STOX2: variants seen among roughly 807,000 people sequenced by gnomAD.
STOX2 encodes storkhead box 2.
A neutral mutation model predicts 60.9 loss-of-function variants in STOX2; 28 were observed. That is an observed-to-expected ratio of 0.46 (90% CI 0.34 to 0.63). STOX2 has a LOEUF of 0.63. Among genes scored for constraint, STOX2 ranks in the 30% least tolerant of loss-of-function variants. The probability of loss-of-function intolerance (pLI) is 0.01; values close to 1 mark genes in which losing one functional copy is unlikely to be tolerated. For synonymous variants in STOX2, 472 were observed against 463.9 expected (o/e 1.02, Z -0.22); for missense variants, 1,024 against 1,187.7 (o/e 0.86, Z 2.03).
At chr4:183,819,574 G>A (rs1739256654) in intron 1 of STOX2, among the ~76,000 whole-genome samples, 1 of 134,462 alleles carries the variant, frequency 7.4e-6, no homozygotes, top group Non-Finnish European at 1.6e-5. Flanking sequence ...GAGGGAGAGG[G>A]GGAGGGGGAG....
Position 183,879,276 on chromosome 4 carries a change from C to T in STOX2, c.364+81221C>T, listed in dbSNP as rs554034748. Among the ~76,000 whole-genome samples, 16 of 152,242 alleles carry T rather than the reference C, an allele frequency of 1.1e-4. 1 individual carries two copies. The East Asian group carries it at 2.9e-3, about 28-fold the overall frequency. ...TCTCATCCTTCTTCACCTCCATGAG[C>T]CCTACACACATCCCTTGTACGCCTT... On this transcript the variant is annotated intron_variant, in intron 1 of 2. Coordinates refer to the STOX2 transcript ENST00000513034.
At chr4:183,985,551 C>G (rs963336475) in intron 1 of STOX2, among the ~76,000 whole-genome samples, 1 of 152,144 alleles carries the variant, frequency 6.6e-6, no homozygotes, top group African/African-American at 2.4e-5. Context: ...ATGTGAGTTT[C>G]TAAGTACAGA....
intron 1 of STOX2, among the ~76,000 whole-genome samples, chr4:183,804,527 A>C (rs1314473671): frequency 6.6e-6 from 1 of 152,188 alleles, no homozygotes; most frequent in African/African-American, 2.4e-5. Context: ...GCCGTGTGGG[A>C]TGGTATTCTG....
At chr4:183,979,684 C>T (rs1732578570) in intron 1 of STOX2, among the ~76,000 whole-genome samples, 1 of 152,042 alleles carries the variant, frequency 6.6e-6, no homozygotes, top group Admixed American at 6.5e-5. Flanking sequence ...ATTAGTTCCT[C>T]AGAAAGTTCC....
At chr4:183,815,796 C>T (rs1402160911) in intron 1 of STOX2, among the ~76,000 whole-genome samples, 3 of 152,152 alleles carry the variant, frequency 2.0e-5, no homozygotes, top group South Asian at 2.1e-4. Flanking sequence ...GCAACAAATG[C>T]GATACCTTAA....
At chr4:183,984,723 G>T (rs780558823) in intron 1 of STOX2, among the ~76,000 whole-genome samples, 3 of 152,186 alleles carry the variant, frequency 2.0e-5, no homozygotes, top group Non-Finnish European at 2.9e-5. Flanking sequence ...TGCCAAGGAC[G>T]CAGGCGAGTG....
intron 1 of STOX2, among the ~76,000 whole-genome samples, chr4:183,874,130 C>T (rs61242067): frequency 0.12 from 18,929 of 152,030 alleles, 1,376 homozygotes; most frequent in African/African-American, 0.19. Context: ...GTGGTTGTAC[C>T]AATATCTTAG....
intron 1 of STOX2, among the ~76,000 whole-genome samples, chr4:183,949,405 C>A (rs1742999755): frequency 6.6e-6 from 1 of 152,048 alleles, no homozygotes. Flanking sequence ...ATTTGCTGTA[C>A]TTTCTTAATT....
chr4:183,957,827 A>G (rs1036744549), intron 1 of STOX2, among the ~76,000 whole-genome samples: 1 of 152,188 alleles, frequency 6.6e-6, no homozygotes, highest in Non-Finnish European at 1.5e-5. Flanking sequence ...TTTAGAACCC[A>G]ATATCGTGAA....
intron 1 of STOX2, among the ~76,000 whole-genome samples, chr4:183,840,247 C>G (rs904200095): frequency 7.2e-5 from 11 of 152,172 alleles, no homozygotes; most frequent in Admixed American, 7.2e-4. Context: ...GTCTGAAAAG[C>G]TGAATTTTTG....
chr4:183,921,149 A>T (rs1242131658), intron 1 of STOX2, among the ~76,000 whole-genome samples: 11 of 152,230 alleles, frequency 7.2e-5, no homozygotes, highest in Non-Finnish European at 1.6e-4. Flanking sequence ...AGGATCTATG[A>T]GGATAGCAGT....
intron 1 of STOX2, among the ~76,000 whole-genome samples, chr4:183,868,831 C>T (rs1277461703): frequency 2.0e-5 from 3 of 152,132 alleles, no homozygotes; most frequent in Middle Eastern, 3.2e-3. Flanking sequence ...TAAAAGTAAA[C>T]CCTTCTGTTA....
intron 1 of STOX2, among the ~76,000 whole-genome samples, chr4:183,814,453 A>C (rs779020817): frequency 6.6e-6 from 1 of 152,212 alleles, no homozygotes; most frequent in African/African-American, 2.4e-5. Flanking sequence ...TTTGCGGACA[A>C]AGACACTGAG....
intron 1 of STOX2, among the ~76,000 whole-genome samples, chr4:183,980,431 G>A (rs1248005631): frequency 6.6e-6 from 1 of 152,196 alleles, no homozygotes; most frequent in Non-Finnish European, 1.5e-5. Flanking sequence ...CTTGTCAGTA[G>A]GGATAGAGGT....
chr4:183,970,057 G>A (rs947785330), intron 1 of STOX2, among the ~76,000 whole-genome samples: 10 of 151,874 alleles, frequency 6.6e-5, no homozygotes, highest in Middle Eastern at 3.4e-3. Context: ...AGACTGTGCC[G>A]CAGTGCTCTT....
intron 1 of STOX2, among the ~76,000 whole-genome samples, chr4:183,909,843 C>T (rs1161644223): frequency 1.3e-5 from 2 of 152,206 alleles, no homozygotes; most frequent in African/African-American, 4.8e-5. Context: ...TAGCAATAGG[C>T]TTGACATTTA....
chr4:183,864,613 C>T (rs925878807), intron 1 of STOX2, among the ~76,000 whole-genome samples: 4 of 152,034 alleles, frequency 2.6e-5, no homozygotes, highest in East Asian at 1.9e-4. Flanking sequence ...AGGCTGGTCT[C>T]GAACTCCTGA....
At chr4:183,855,249 G>A (rs761743054) in intron 1 of STOX2, among the ~76,000 whole-genome samples, 13 of 152,318 alleles carry the variant, frequency 8.5e-5, no homozygotes, top group Non-Finnish European at 1.6e-4. Context: ...TTAATTGTGT[G>A]TATTTGTGTC....
intron 1 of STOX2, among the ~76,000 whole-genome samples, chr4:183,942,752 T>A (rs909089018): frequency 6.6e-6 from 1 of 152,136 alleles, no homozygotes; most frequent in African/African-American, 2.4e-5. Flanking sequence ...CCTAGGAGAA[T>A]GGAGGCAGGC....
Sources: gnomAD v4.1 joint callset for allele counts (sites outside exome capture counted in the v4.1 genomes callset) on GRCh38, gnomAD v4.1.1 for gene constraint, MANE v1.5 for transcripts, NCBI Gene and HGNC (gene_info 2026-07-23, HGNC 2026-07-21) for gene names.